TTLL12: variants seen among roughly 807,000 people sequenced by gnomAD.
The protein encoded by TTLL12 is tubulin tyrosine ligase like 12, also known as tubulin--tyrosine ligase-like protein 12.
TTLL12 carries 77 observed loss-of-function variants against 79.6 expected under a neutral mutation model. The observed-to-expected ratio is 0.97, with a 90% CI of 0.81 to 1.17. The LOEUF is 1.17. Among genes scored for constraint, TTLL12 ranks in the 50% most tolerant of loss-of-function variants. TTLL12 has a pLI of 0.00. For missense variants in TTLL12, 969 were observed against 895.9 expected (o/e 1.08, Z -1.04); for synonymous variants, 437 against 376.1 (o/e 1.16, Z -1.87).
chr22:43,167,822 G>T lies in TTLL12; in HGVS notation c.*186C>A. The T allele has an allele frequency of 1.5e-6, 1 of 663,358 alleles. No individual in the cohort carries two copies. Among genetic ancestry groups the T allele is most frequent in the Non-Finnish European group, 2.5e-6 (1 of 396,358 alleles). The allele number at this position is 663,358 out of a possible 1,614,324, so 41.1% of individuals were successfully genotyped here. A position where few individuals can be genotyped will look rare whatever the true frequency, so the allele number is the denominator to read the frequency against. On this transcript the variant is annotated 3_prime_UTR_variant, in exon 14 of 14. Transcript: ENST00000216129. ...CATCACTGTCCTGCTCTGACCCACA[G>T]GTGAGAGGAGGATGCTGTGCTCCCG...
At chr22:43,186,839 TC>T in intron 1 of TTLL12, 53 bp downstream of exon 1, 1 of 1,230,004 alleles carries the variant, frequency 8.1e-7, no homozygotes, top group Non-Finnish European at 1.0e-6. Context: ...CGCCGCGGGC[TC>T]CCGCCGCGCT....
At chr22:43,179,384 C>T (rs544358334) in intron 5 of TTLL12, among the ~76,000 whole-genome samples, 8 of 152,112 alleles carry the variant, frequency 5.3e-5, no homozygotes, top group East Asian at 1.9e-4. Context: ...CCCCTGAGGA[C>T]GGATGCCAGC....
At chr22:43,182,475 G>A (rs535136188) in intron 2 of TTLL12, among the ~76,000 whole-genome samples, 8 of 152,238 alleles carry the variant, frequency 5.3e-5, no homozygotes, top group African/African-American at 1.7e-4. Flanking sequence ...CTGACCTAGG[G>A]ATAGCCACTC....
Position 43,167,680 on chromosome 22 carries a change from G to T in TTLL12, c.*328C>A. 4.3e-6 allele frequency: 1 copy of T among 231,962 alleles called. No homozygotes were observed. Among genetic ancestry groups the T allele is most frequent in the Non-Finnish European group, 8.5e-6 (1 of 118,094 alleles). 14.4% of individuals were successfully genotyped at this position (231,962 alleles called of 1,614,324 possible). On this transcript the variant is annotated 3_prime_UTR_variant, in exon 14 of 14. Transcript: ENST00000216129. ...GCACCCCCTGGAAACACAGCAGCCAGGAACAAATTCTCCATGCCAGGAACA... is the reference window on the plus strand; with the variant it reads ...GCACCCCCTGGAAACACAGCAGCCATGAACAAATTCTCCATGCCAGGAACA...
At position 43,179,900 on chromosome 22, in the gene TTLL12, TAGA is replaced by T. The variant is rs1186386866; in HGVS notation, c.644_646del (p.Phe215del). 3.7e-6 allele frequency: 6 copies of T among 1,611,068 alleles called. No homozygotes were observed. The highest frequency in any genetic ancestry group is 2.2e-5 in the South Asian group (2 of 91,028). ...CGTGTAGGCCACCTGCTGCGGCATGTAGAAGAAGGGTGCCGTGGCGAAGCTGGG... is the reference window on the plus strand; with the variant it reads ...CGTGTAGGCCACCTGCTGCGGCATGTAGAAGGGTGCCGTGGCGAAGCTGGG... On this transcript the variant is annotated inframe_deletion, in exon 4 of 14. Transcript: ENST00000216129.
rs546473540 is a variant in TTLL12 at position 43,173,790 on chromosome 22, G to C, written c.1266C>G (p.Asn422Lys). ...EDNHWICKPW[N>K]LARSLDTHVT... ...CGTGGGTGTCCAGGCTGCGCGCCAG[G>C]TTCCAGGGCTTGCAGATCCAGTGGT... Residue 422 changes from asparagine (N) to lysine (K), a missense_variant, in exon 9 of 14, where the codon AAC (asparagine) becomes AAG (lysine). By Grantham distance (94) the Asn-to-Lys change is moderately conservative. Coordinates refer to ENST00000216129, the MANE Select transcript of TTLL12 (RefSeq NM_015140.4). The C allele has an allele frequency of 6.0e-5, 96 of 1,604,942 alleles. 1 individual carries two copies. The South Asian group carries it at 9.9e-4, about 17-fold the overall frequency.
In TTLL12 at chr22:43,170,023, G is replaced by T. The variant is rs1325532432; in HGVS notation, c.1576-455C>A. 8.0e-6 allele frequency: 3 copies of T among 376,492 alleles called. No individual in the cohort carries two copies. The Admixed American group carries it at 9.5e-5, about 12-fold the overall frequency. 23.3% of individuals were successfully genotyped at this position (376,492 alleles called of 1,614,324 possible). ...CAGCACCAGCTCAAGAGTGCTTGAG[G>T]GATGCAAGATCTTTCTGGCCTCAAG... is the stretch of plus-strand genomic sequence containing the variant. On this transcript the variant is annotated intron_variant, in intron 11 of 13. Coordinates refer to ENST00000216129, the MANE Select transcript of TTLL12 (RefSeq NM_015140.4).
Position 43,176,397 on chromosome 22 carries a change from C to A in TTLL12, c.841-1G>T. The A allele has an allele frequency of 6.2e-7, 1 of 1,604,232 alleles. No individual in the cohort carries two copies. Among genetic ancestry groups the A allele is most frequent in the South Asian group, 1.1e-5 (1 of 88,832 alleles). ...TCTCCTTGTTTTCCTCCAGAATGGC[C>A]TAAAAGGAAACACACCGGAAGTAGA... On this transcript the variant is annotated splice_acceptor_variant, in intron 5 of 13. Coordinates refer to ENST00000216129, the MANE Select transcript of TTLL12 (RefSeq NM_015140.4). LOFTEE classifies it high-confidence loss of function.
At chr22:43,174,475 C>A (rs759368304) in intron 7 of TTLL12, 24 bp downstream of exon 7, 45 of 1,586,098 alleles carry the variant, frequency 2.8e-5, no homozygotes, top group Non-Finnish European at 3.1e-5. Flanking sequence ...CTGGGAGGGC[C>A]CCTGCGGCCA....
intron 5 of TTLL12, among the ~76,000 whole-genome samples, chr22:43,178,853 T>C (rs1448183266): frequency 6.6e-6 from 1 of 152,134 alleles, no homozygotes; most frequent in Non-Finnish European, 1.5e-5. Flanking sequence ...AAAACAGAAC[T>C]GTAAAATTGT....
At chr22:43,176,435 G>C (rs1048228376) in intron 5 of TTLL12, 39 bp from the exon 6 acceptor site, 5 of 1,553,866 alleles carry the variant, frequency 3.2e-6, no homozygotes, top group African/African-American at 1.3e-5. Context: ...TGAGGTCAAG[G>C]AAGGGAGGGA....
intron 5 of TTLL12, 96 bp from the exon 6 acceptor site, chr22:43,176,492 G>T (rs878908266): frequency 6.0e-6 from 6 of 994,292 alleles, no homozygotes; most frequent in Non-Finnish European, 9.4e-6. Flanking sequence ...CACTTTGAGA[G>T]GGTGAGGCAG....
chr22:43,178,362 C>A lies in TTLL12; in HGVS notation c.840+1257G>T, dbSNP rs1303747356. Among the ~76,000 whole-genome samples the A allele has an allele frequency of 3.5e-5, 5 of 144,594 alleles. No individual in the cohort carries two copies. The Admixed American group carries it at 3.7e-4, about 11-fold the overall frequency. 94.9% of individuals were successfully genotyped at this position (144,594 alleles called of 152,430 possible). A position where few individuals can be genotyped will look rare whatever the true frequency, so the allele number is the denominator to read the frequency against. On this transcript the variant is annotated intron_variant, in intron 5 of 13. Transcript: ENST00000216129. ...TTTGAGACGGAGTCTCGCTCTGTTTCTCAGGCTGGAGTGCAGTGGCGCGAT... is the reference window on the plus strand; with the variant it reads ...TTTGAGACGGAGTCTCGCTCTGTTTATCAGGCTGGAGTGCAGTGGCGCGAT...
intron 9 of TTLL12, among the ~76,000 whole-genome samples, chr22:43,172,886 AG>A (rs1931803246): frequency 6.6e-6 from 1 of 151,956 alleles, no homozygotes; most frequent in South Asian, 2.1e-4. Context: ...TTAGTAGAGA[AG>A]GGGTTTCTCC....
chr22:43,174,612 G>T lies in TTLL12; in HGVS notation c.921C>A (p.Val307=). 6.2e-7 allele frequency: 1 copy of T among 1,605,672 alleles called. No homozygotes were observed. The highest frequency in any genetic ancestry group is 8.5e-7 in the Non-Finnish European group (1 of 1,175,466). The change falls in exon 7 of 14, where the codon GTC becomes GTA. Residue 307 remains valine, a synonymous_variant. Coordinates refer to ENST00000216129, the MANE Select transcript of TTLL12 (RefSeq NM_015140.4). Reference sequence around the variant, plus strand: ...TGGCCACCTGCTGCACGTCCGTGTAGACCCTGTGGGGAGAGCCCGAGCTGG... The same window carrying T: ...TGGCCACCTGCTGCACGTCCGTGTATACCCTGTGGGGAGAGCCCGAGCTGG... ...VVHPHGHIFK[V]YTDVQQVASS... is the part of the protein sequence containing the mutation.
At chr22:43,174,638 G>A (rs373345516) in intron 6 of TTLL12, 23 bp from the exon 7 acceptor site, 3 of 1,560,060 alleles carry the variant, frequency 1.9e-6, no homozygotes, top group Non-Finnish European at 2.6e-6. Context: ...CCCGAGCTGG[G>A]TGATCCCGGC....
intron 5 of TTLL12, among the ~76,000 whole-genome samples, chr22:43,178,700 T>C (rs1011818273): frequency 3.3e-5 from 5 of 152,144 alleles, no homozygotes; most frequent in Non-Finnish European, 7.4e-5. Context: ...GCGCCTGGTG[T>C]GCAAAAAGGA....
chr22:43,187,079 AC>A lies in TTLL12; in HGVS notation c.-11del, dbSNP rs1932205955. On this transcript the variant is annotated 5_prime_UTR_variant, in exon 1 of 14. Coordinates refer to ENST00000216129, the MANE Select transcript of TTLL12 (RefSeq NM_015140.4). ...CCCGCTCGGCCTCCATGGCGCCAGCACCCGCGCCGACTCCAGCGCCGCCACC... is the reference window on the plus strand; with the variant it reads ...CCCGCTCGGCCTCCATGGCGCCAGCACCGCGCCGACTCCAGCGCCGCCACC... 8.8e-7 allele frequency: 1 copy of A among 1,136,434 alleles called. No homozygotes were observed. The highest frequency in any genetic ancestry group is 5.2e-5 in the Admixed American group (1 of 19,278). 70.4% of individuals were successfully genotyped at this position (1,136,434 alleles called of 1,614,324 possible). A position where few individuals can be genotyped will look rare whatever the true frequency, so the allele number is the denominator to read the frequency against.
At position 43,174,255 on chromosome 22, in the gene TTLL12, T is replaced by A. The variant is rs554827931; in HGVS notation, c.1183A>T (p.Thr395Ser). The A allele has an allele frequency of 5.0e-6, 8 of 1,609,190 alleles. No individual in the cohort carries two copies. The South Asian group carries it at 7.7e-5, about 15-fold the overall frequency. The change falls in exon 8 of 14, where the codon ACT becomes TCT. Residue 395 changes from threonine to serine, a missense_variant. Physicochemically the swap from Thr to Ser is moderately conservative, Grantham distance 58. Transcript: ENST00000216129. ...PWLPRTFNLR[T>S]ELPQFVSYFQ... Reference sequence around the variant, plus strand: ...TAGCTGACAAACTGGGGCAGCTCAGTGCGCAGGTTGAAGGTTCGGGGCAGC... The same window carrying A: ...TAGCTGACAAACTGGGGCAGCTCAGAGCGCAGGTTGAAGGTTCGGGGCAGC...
Sources: gnomAD v4.1 joint callset for allele counts (sites outside exome capture counted in the v4.1 genomes callset) on GRCh38, gnomAD v4.1.1 for gene constraint, MANE v1.5 for transcripts, NCBI Gene and HGNC (gene_info 2026-07-23, HGNC 2026-07-21) for gene names.